EXOG: variants seen among roughly 807,000 people sequenced by gnomAD.
The protein encoded by EXOG is exo/endonuclease G, also known as nuclease EXOG, mitochondrial.
EXOG carries 27 observed loss-of-function variants against 25.8 expected under a neutral mutation model. That is an observed-to-expected ratio of 1.05 (90% CI 0.77 to 1.45). The LOEUF is 1.45. EXOG is among the 40% of genes most tolerant of loss of function. The pLI is 0.00. For synonymous variants in EXOG, 133 were observed against 167.0 expected, an observed-to-expected ratio of 0.80 and a Z score of 1.57; for missense variants, 458 against 450.5, an observed-to-expected ratio of 1.02 and a Z score of -0.15.
chr3:38,496,499 T>A lies in EXOG; in HGVS notation c.132T>A (p.Ala44=). ...TGCAGTTCTTCCGGAGTCAGGGCGCTGAGGGAGCGTTGACAGGGAAGCAGC... is the reference window on the plus strand; with the variant it reads ...TGCAGTTCTTCCGGAGTCAGGGCGCAGAGGGAGCGTTGACAGGGAAGCAGC... ...AALQFFRSQG[A]EGALTGKQPD... Residue 44 remains alanine (A), a synonymous_variant, in exon 1 of 6, where the codon GCT becomes GCA. Transcript: ENST00000287675. 6.2e-7 allele frequency: 1 copy of A among 1,613,382 alleles called. No homozygotes were observed. The highest frequency in any genetic ancestry group is 1.7e-4 in the Middle Eastern group (1 of 6,060).
chr3:38,496,720 T>A, intron 1 of EXOG, 190 bp downstream of exon 1: 3 of 1,452,306 alleles, frequency 2.1e-6, no homozygotes, highest in Non-Finnish European at 2.7e-6. Flanking sequence ...CCAGCTTCCC[T>A]CATGTCCTTC....
chr3:38,497,210 G>A, intron 1 of EXOG: 2 of 1,008,762 alleles, frequency 2.0e-6, no homozygotes, highest in Non-Finnish European at 1.2e-6. Flanking sequence ...AGAAGGCATC[G>A]GGGAGGATTA....
Position 38,497,719 on chromosome 3 carries a change from A to C in EXOG, c.254A>C (p.Asp85Ala), listed in dbSNP as rs566505876. 1.2e-5 allele frequency: 19 copies of C among 1,609,702 alleles called. No individual in the cohort carries two copies. In the South Asian group the frequency reaches 1.8e-4, roughly 15 times the overall value. The change falls in exon 2 of 6, where the codon GAT becomes GCT. Residue 85 changes from aspartate to alanine, a missense_variant. Asp to Ala is a moderately radical substitution (Grantham distance 126, BLOSUM62 -2). Around this residue, in one of 3 missense-constraint regions of EXOG, gnomAD observed 275 missense variants for 230.5 expected, o/e 1.19. Coordinates refer to ENST00000287675, the MANE Select transcript of EXOG (RefSeq NM_005107.4). The stretch of plus-strand genomic sequence containing the variant: ...TACACTAATCACGCTTTGTCTTATG[A>C]TCAGGCAAAGCGGGTGCCTAGATGG... Reference protein sequence around the residue: ...RCYTNHALSYDQAKRVPRWVL... With the variant: ...RCYTNHALSYAQAKRVPRWVL...
intron 5 of EXOG, among the ~76,000 whole-genome samples, chr3:38,508,730 A>G (rs963118487): frequency 2.1e-5 from 3 of 145,966 alleles, no homozygotes; most frequent in Non-Finnish European, 4.5e-5. Context: ...CCAAAAAAAA[A>G]CCAAAACTTT....
chr3:38,522,676 G>C (rs1001814590), intron 5 of EXOG, among the ~76,000 whole-genome samples: 13 of 152,078 alleles, frequency 8.5e-5, no homozygotes, highest in African/African-American at 3.1e-4. Flanking sequence ...AGCTAATTTT[G>C]TATTTTTAGT....
In EXOG at chr3:38,524,725, C is replaced by G; in HGVS notation, c.*363C>G. The G allele has an allele frequency of 1.0e-6, 1 of 997,742 alleles. No individual in the cohort carries two copies. The highest frequency in any genetic ancestry group is 1.7e-5 in the African/African-American group (1 of 57,748). 61.8% of individuals were successfully genotyped at this position (997,742 alleles called of 1,614,324 possible). A position where few individuals can be genotyped will look rare whatever the true frequency, so the allele number is the denominator to read the frequency against. On this transcript the variant is annotated 3_prime_UTR_variant, in exon 6 of 6. Transcript: ENST00000287675. ...ATGTTTTTGTCAGTATTATATTTGA[C>G]TCAGGAACTAATTATTAAGGGAGCT...
chr3:38,508,781 T>C (rs1278030306), intron 5 of EXOG, among the ~76,000 whole-genome samples: 1 of 147,568 alleles, frequency 6.8e-6, no homozygotes, highest in Non-Finnish European at 1.5e-5. Context: ...ATTATCAGCC[T>C]GTCTAGATCA....
At chr3:38,511,244 A>T (rs1456726131) in intron 5 of EXOG, among the ~76,000 whole-genome samples, 2 of 152,150 alleles carry the variant, frequency 1.3e-5, no homozygotes, top group Non-Finnish European at 2.9e-5. Context: ...TTTTACTTAG[A>T]CATACCGAAG....
intron 5 of EXOG, among the ~76,000 whole-genome samples, chr3:38,518,170 A>G (rs1433427572): frequency 6.6e-6 from 1 of 152,148 alleles, no homozygotes; most frequent in East Asian, 1.9e-4. Flanking sequence ...TACCTAGGCA[A>G]GGTGAAGAGA....
At chr3:38,507,748 T>C (rs1367923176) in intron 5 of EXOG, among the ~76,000 whole-genome samples, 1 of 151,720 alleles carries the variant, frequency 6.6e-6, no homozygotes, top group African/African-American at 2.4e-5. Flanking sequence ...ATACAAGCAG[T>C]TGGAGTGAGG....
intron 3 of EXOG, among the ~76,000 whole-genome samples, chr3:38,501,906 C>T (rs956721720): frequency 3.5e-4 from 54 of 152,204 alleles, no homozygotes; most frequent in African/African-American, 1.3e-3. Flanking sequence ...TCACCATGCT[C>T]AGCTAATTTT....
At chr3:38,510,970 A>G (rs1054188689) in intron 5 of EXOG, among the ~76,000 whole-genome samples, 14 of 152,228 alleles carry the variant, frequency 9.2e-5, no homozygotes, top group African/African-American at 3.4e-4. Flanking sequence ...AGGTCATATC[A>G]TTAGTTTTCC....
At chr3:38,497,890 T>A in intron 2 of EXOG, 112 bp downstream of exon 2, 1 of 1,296,198 alleles carries the variant, frequency 7.7e-7, no homozygotes. Context: ...ATAGCACATG[T>A]AGAAAATTAT....
chr3:38,523,847 T>A (rs773298152), intron 5 of EXOG, 54 bp from the exon 6 acceptor site: 97 of 1,308,282 alleles, frequency 7.4e-5, no homozygotes, highest in Middle Eastern at 5.8e-4. Context: ...TCAGAAAAAA[T>A]TTGCGAACTG....
chr3:38,524,826 A>T lies in EXOG; in HGVS notation c.*464A>T. The T allele has an allele frequency of 3.0e-6, 3 of 987,910 alleles. No individual in the cohort carries two copies. Among genetic ancestry groups the T allele is most frequent in the Non-Finnish European group, 3.6e-6 (3 of 831,720 alleles). The allele number at this position is 987,910 out of a possible 1,614,324, so 61.2% of individuals were successfully genotyped here. A position where few individuals can be genotyped will look rare whatever the true frequency, so the allele number is the denominator to read the frequency against. ...TGCCCACAGATGACACTGCATTTGTATCCCTGTGGATGTAGAGTATTGGGA... is the reference window on the plus strand; with the variant it reads ...TGCCCACAGATGACACTGCATTTGTTTCCCTGTGGATGTAGAGTATTGGGA... On this transcript the variant is annotated 3_prime_UTR_variant, in exon 6 of 6. Transcript: ENST00000287675.
intron 3 of EXOG, 38 bp from the exon 4 acceptor site, chr3:38,503,577 G>A (rs763184497): frequency 3.6e-6 from 4 of 1,103,884 alleles, no homozygotes; most frequent in Non-Finnish European, 5.5e-6. Flanking sequence ...AAAGGGGAAA[G>A]CATTTCAGTG....
At chr3:38,511,922 G>A (rs2060382340) in intron 5 of EXOG, among the ~76,000 whole-genome samples, 1 of 152,198 alleles carries the variant, frequency 6.6e-6, no homozygotes, top group Non-Finnish European at 1.5e-5. Flanking sequence ...CTCCTTTGGA[G>A]GCTAACATAA....
At chr3:38,510,199 C>G (rs1238222611) in intron 5 of EXOG, among the ~76,000 whole-genome samples, 1 of 152,086 alleles carries the variant, frequency 6.6e-6, no homozygotes, top group African/African-American at 2.4e-5. Flanking sequence ...CAGCTGACTT[C>G]TACTTTACAA....
At chr3:38,503,565 T>G (rs375973794) in intron 3 of EXOG, 50 bp from the exon 4 acceptor site, 2 of 1,024,584 alleles carry the variant, frequency 2.0e-6, no homozygotes, top group African/African-American at 3.2e-5. Context: ...AAAATATCTT[T>G]TAAAGGGGAA....
Sources: allele counts gnomAD v4.1 joint callset (sites outside exome capture counted in the v4.1 genomes callset), GRCh38; gene constraint gnomAD v4.1.1; regional missense constraint gnomAD v4.1.1; transcripts MANE v1.5; gene names NCBI Gene and HGNC (gene_info 2026-07-23, HGNC 2026-07-21).